OR3A2: variants seen among roughly 807,000 people sequenced by gnomAD.
OR3A2 encodes the protein olfactory receptor family 3 subfamily A member 2.
For missense variants in OR3A2, 318 were observed against 392.8 expected, an observed-to-expected ratio of 0.81 and a Z score of 1.61; for synonymous variants, 126 against 159.3, an observed-to-expected ratio of 0.79 and a Z score of 1.57.
intron 2 of OR3A2, among the ~76,000 whole-genome samples, chr17:3,343,720 G>A (rs1485824771): frequency 1.3e-5 from 2 of 152,152 alleles, no homozygotes; most frequent in Admixed American, 6.5e-5. Context: ...TTGAACAGGA[G>A]TGTTCATTCA....
At position 3,292,219 on chromosome 17, in the gene OR3A2, CCATG is replaced by C. The variant is rs764787636; in HGVS notation, c.-84-13070_-84-13067del. 3.7e-6 allele frequency: 6 copies of C among 1,614,036 alleles called. 1 individual carries two copies. The Admixed American group carries it at 1.0e-4, about 27-fold the overall frequency. On this transcript the variant is annotated intron_variant, in intron 3 of 4. Coordinates refer to the OR3A2 transcript ENST00000573491. ...CAGATGGCCAGGAATCGGTCATAGG[CCATG>C]GCGGTCAGCAGGAAGCAGTCCACTC...
At chr17:3,324,165 C>A (rs955976074) in intron 3 of OR3A2, among the ~76,000 whole-genome samples, 2 of 152,096 alleles carry the variant, frequency 1.3e-5, no homozygotes, top group African/African-American at 4.8e-5. Flanking sequence ...ACTGAGGCTT[C>A]TGCATTCGTC....
chr17:3,377,959 A>G (rs2049698504), intron 2 of OR3A2, among the ~76,000 whole-genome samples: 2 of 151,908 alleles, frequency 1.3e-5, no homozygotes, highest in African/African-American at 4.8e-5. Context: ...ACAAGGAGAA[A>G]TGAAAACATA....
At chr17:3,319,056 C>T (rs1247775424) in intron 3 of OR3A2, among the ~76,000 whole-genome samples, 1 of 152,178 alleles carries the variant, frequency 6.6e-6, no homozygotes, top group Middle Eastern at 3.2e-3. Context: ...CTGCTACATA[C>T]ACACCAAATC....
intron 3 of OR3A2, among the ~76,000 whole-genome samples, chr17:3,289,666 C>G (rs933167376): frequency 1.3e-5 from 2 of 152,178 alleles, no homozygotes; most frequent in Non-Finnish European, 2.9e-5. Context: ...AGAGAAATCT[C>G]GCAGTGGAAG....
At chr17:3,372,847 A>AGGAGAGGGAGAGGAGAGGGAGAG (rs2049643331) in intron 2 of OR3A2, among the ~76,000 whole-genome samples, 5 of 65,074 alleles carry the variant, frequency 7.7e-5, no homozygotes, top group African/African-American at 1.7e-4. Flanking sequence ...GAGAAGGAGA[A>AGGAGAGGGAGAGGAGAGGGAGAG]GGAGAGGGAG....
chr17:3,279,092 A>C lies in OR3A2; in HGVS notation c.-6-169T>G. ...TGCCTTTACCTTGCTCTTGGTTGAC[A>C]TGCCCAATGACACCACCACCTTGTC... On this transcript the variant is annotated intron_variant, in intron 1 of 1. An upstream start codon of the reference 5' UTR is lost. Coordinates refer to ENST00000642052, the Ensembl canonical transcript of OR3A2. 1 of 1,140,036 alleles carries C rather than the reference A, an allele frequency of 8.8e-7. No homozygotes were observed. The highest frequency in any genetic ancestry group is 1.6e-5 in the African/African-American group (1 of 63,768). The allele number at this position is 1,140,036 out of a possible 1,614,324, so 70.6% of individuals were successfully genotyped here.
intron 2 of OR3A2, among the ~76,000 whole-genome samples, chr17:3,344,809 T>A (rs549201040): frequency 6.6e-6 from 1 of 152,304 alleles, no homozygotes; most frequent in East Asian, 1.9e-4. Flanking sequence ...TGACCCAAGT[T>A]GATCCAACCA....
chr17:3,305,918 G>A (rs531481354), intron 3 of OR3A2, among the ~76,000 whole-genome samples: 1 of 152,340 alleles, frequency 6.6e-6, no homozygotes, highest in Admixed American at 6.5e-5. Flanking sequence ...GAGCATGTCT[G>A]TATTTGGTCA....
intron 2 of OR3A2, among the ~76,000 whole-genome samples, chr17:3,352,494 C>T (rs1044174433): frequency 4.6e-5 from 7 of 151,862 alleles, no homozygotes; most frequent in Admixed American, 2.0e-4. Flanking sequence ...TTCCCAACAC[C>T]ATTTGTTAAA....
chr17:3,331,109 A>T (rs1443123058), intron 3 of OR3A2, among the ~76,000 whole-genome samples: 8 of 152,102 alleles, frequency 5.3e-5, no homozygotes, highest in South Asian at 2.1e-4. Context: ...CTTCCCTTTG[A>T]GGGTAACCCG....
At chr17:3,279,288 T>A (rs1452040040) in intron 1 of OR3A2, 135 bp from the exon 4 acceptor site, 1 of 297,076 alleles carries the variant, frequency 3.4e-6, no homozygotes, top group South Asian at 6.8e-5. Flanking sequence ...TTTGTTTCAC[T>A]ATAGTAACCA....
rs191980731 is a variant in OR3A2 at position 3,359,011 on chromosome 17, T to C, written c.-178-22885A>G. On this transcript the variant is annotated intron_variant, in intron 2 of 4. Coordinates refer to the OR3A2 transcript ENST00000573491. ...GGATATTCAGATCTTCTTGTTGAAT[T>C]GAACCCTTTACCATTGTGTAGTGTC... Among the ~76,000 whole-genome samples the C allele has an allele frequency of 2.9e-3, 447 of 152,000 alleles. 2 individuals carry two copies. The highest frequency in any genetic ancestry group is 3.8e-3 in the Non-Finnish European group (260 of 68,026).
At chr17:3,351,000 C>G (rs2049415392) in intron 2 of OR3A2, among the ~76,000 whole-genome samples, 1 of 151,962 alleles carries the variant, frequency 6.6e-6, no homozygotes, top group African/African-American at 2.4e-5. Context: ...ATGCTAAAAA[C>G]TCTCAATAAA....
At chr17:3,291,736 C>T (rs752542317) in intron 3 of OR3A2, 2 of 1,613,776 alleles carry the variant, frequency 1.2e-6, no homozygotes, top group East Asian at 4.5e-5. Context: ...GGATTGATGA[C>T]AGTGTTGAAA....
intron 3 of OR3A2, among the ~76,000 whole-genome samples, chr17:3,321,574 G>C (rs1301135781): frequency 6.6e-6 from 1 of 152,120 alleles, no homozygotes; most frequent in Non-Finnish European, 1.5e-5. Context: ...AATTTATTGA[G>C]AGTTTTTAGC....
intron 2 of OR3A2, among the ~76,000 whole-genome samples, chr17:3,345,757 A>C (rs980457562): frequency 2.6e-5 from 4 of 152,174 alleles, no homozygotes; most frequent in Non-Finnish European, 5.9e-5. Context: ...AATTCTCTAG[A>C]AAAAGAACAA....
upstream of OR3A2, among the ~76,000 whole-genome samples, chr17:3,286,817 T>A (rs59255425): frequency 0.018 from 2,798 of 152,356 alleles, 91 homozygotes; most frequent in African/African-American, 0.063. Context: ...TTCTGGATAT[T>A]AGCTCTTTGT....
chr17:3,324,315 T>C (rs2049152012), intron 3 of OR3A2, among the ~76,000 whole-genome samples: 3 of 152,124 alleles, frequency 2.0e-5, no homozygotes, highest in Non-Finnish European at 4.4e-5. Flanking sequence ...CTTCCTCCTG[T>C]AGCTTGGAGT....
Sources: gnomAD v4.1 joint callset for allele counts (sites outside exome capture counted in the v4.1 genomes callset) on GRCh38, gnomAD v4.1.1 for gene constraint, MANE v1.5 for transcripts, NCBI Gene and HGNC (gene_info 2026-07-23, HGNC 2026-07-21) for gene names.